Variants in N4BP2L2 observed in about 807,000 individuals in gnomAD.
The protein encoded by N4BP2L2 is NEDD4 binding protein 2 like 2, also known as NEDD4-binding protein 2-like 2.
In N4BP2L2, 50 loss-of-function variants were observed where a neutral mutation model predicts 56.2. The ratio of observed to expected loss-of-function variants is 0.89; its 90% CI spans 0.71 to 1.13. N4BP2L2 has a LOEUF of 1.13. Among genes scored for constraint, N4BP2L2 ranks in the 50% most tolerant of loss-of-function variants. N4BP2L2 has a pLI of 0.00. For missense variants in N4BP2L2, 689 were observed against 693.8 expected (o/e 0.99, Z 0.08); for synonymous variants, 203 against 223.6 (o/e 0.91, Z 0.82).
exon 6 of N4BP2L2, chr13:32,516,920 T>C: frequency 7.1e-6 from 7 of 984,708 alleles, no homozygotes; most frequent in South Asian, 4.7e-5. Context: ...TTTAATTTTA[T>C]ATGAAGAAAC....
intron 6 of N4BP2L2, among the ~76,000 whole-genome samples, chr13:32,500,405 A>T (rs1353701320): frequency 6.6e-6 from 1 of 152,130 alleles, no homozygotes; most frequent in East Asian, 1.9e-4. Context: ...TAGAAAATAA[A>T]AAGTAAGCCA....
intron 6 of N4BP2L2, among the ~76,000 whole-genome samples, chr13:32,454,543 T>G (rs1039689235): frequency 1.3e-5 from 2 of 152,082 alleles, no homozygotes; most frequent in Admixed American, 1.3e-4. Flanking sequence ...AAAAAGAAAT[T>G]AATAGGAACA....
downstream of N4BP2L2, chr13:32,508,067 A>G (rs2091234456): frequency 1.3e-5 from 2 of 152,178 alleles, no homozygotes; most frequent in African/African-American, 4.8e-5. Context: ...CAAGTAAAGT[A>G]TTTTAAGGAA....
chr13:32,474,619 G>T (rs896519959), intron 6 of N4BP2L2, among the ~76,000 whole-genome samples: 1 of 152,060 alleles, frequency 6.6e-6, no homozygotes, highest in Non-Finnish European at 1.5e-5. Context: ...ACTTGAGCCT[G>T]GGGGGACAGA....
chr13:32,450,532 A>G (rs1015138235), intron 6 of N4BP2L2, among the ~76,000 whole-genome samples: 33 of 152,034 alleles, frequency 2.2e-4, no homozygotes, highest in Middle Eastern at 3.4e-3. Flanking sequence ...CACTGTGTTA[A>G]CCAGGACGGT....
intron 2 of N4BP2L2, 95 bp from the exon 3 acceptor site, chr13:32,527,627 C>T: frequency 7.2e-6 from 10 of 1,396,242 alleles, no homozygotes; most frequent in Non-Finnish European, 9.8e-6. Flanking sequence ...TGAAATAAAT[C>T]ACACAGGAAA....
chr13:32,508,638 A>G (rs981712627), downstream of N4BP2L2: 5 of 152,226 alleles, frequency 3.3e-5, no homozygotes, highest in African/African-American at 4.8e-5. Flanking sequence ...GAGGTTGAAA[A>G]GCCAAATAAT....
At position 32,433,826 on chromosome 13, in the gene N4BP2L2, G is replaced by A. The variant is rs536777366; in HGVS notation, c.*22-854C>T. Among the ~76,000 whole-genome samples the A allele has an allele frequency of 1.1e-4, 17 of 149,724 alleles. No individual in the cohort carries two copies. The South Asian group carries it at 3.2e-3, about 28-fold the overall frequency. ...GGCGCCTGTAATTCCAGCTACTTGGGAGGCTGAGGTGGAGAATCGCTTGAA... is the reference window on the plus strand; with the variant it reads ...GGCGCCTGTAATTCCAGCTACTTGGAAGGCTGAGGTGGAGAATCGCTTGAA... On this transcript the variant is annotated intron_variant, in intron 9 of 9. Coordinates refer to the N4BP2L2 transcript ENST00000357505.
intron 6 of N4BP2L2, among the ~76,000 whole-genome samples, chr13:32,456,789 C>G (rs987179413): frequency 2.0e-5 from 3 of 152,166 alleles, no homozygotes; most frequent in African/African-American, 7.2e-5. Context: ...AAGGAAGAAT[C>G]TCAGAACTTA....
chr13:32,477,134 T>A (rs1220205621), intron 6 of N4BP2L2: 4 of 605,880 alleles, frequency 6.6e-6, no homozygotes, highest in Non-Finnish European at 1.3e-5. Context: ...ATAGTACTCT[T>A]GCCACTATCA....
intron 6 of N4BP2L2, among the ~76,000 whole-genome samples, chr13:32,459,251 A>T (rs1026312937): frequency 4.6e-5 from 7 of 152,142 alleles, no homozygotes. Flanking sequence ...AAAACAGCCA[A>T]CCCCAAATTA....
exon 6 of N4BP2L2, chr13:32,517,596 C>G: frequency 7.4e-7 from 1 of 1,348,710 alleles, no homozygotes; most frequent in South Asian, 1.7e-5. Context: ...AGTATTACAA[C>G]AAGAGAATAT....
intron 6 of N4BP2L2, among the ~76,000 whole-genome samples, chr13:32,476,683 T>C (rs564504267): frequency 1.3e-5 from 2 of 152,170 alleles, no homozygotes; most frequent in African/African-American, 2.4e-5. Flanking sequence ...AATAACAGAA[T>C]ACATTGGAAA....
At chr13:32,495,744 C>T (rs543314061) in intron 6 of N4BP2L2, among the ~76,000 whole-genome samples, 95 of 152,088 alleles carry the variant, frequency 6.2e-4, no homozygotes, top group African/African-American at 2.0e-3. Context: ...AGTGCAGTGG[C>T]GTGATCCCAG....
At chr13:32,481,296 C>A (rs1228220167) in intron 6 of N4BP2L2, among the ~76,000 whole-genome samples, 1 of 151,790 alleles carries the variant, frequency 6.6e-6, no homozygotes, top group African/African-American at 2.4e-5. Context: ...GAAGAGAGTG[C>A]ATAGTCAAAG....
intron 2 of N4BP2L2, among the ~76,000 whole-genome samples, chr13:32,535,145 AAAGT>A (rs1351567230): frequency 2.6e-5 from 4 of 152,218 alleles, no homozygotes; most frequent in African/African-American, 7.2e-5. Flanking sequence ...AATTCCAGAA[AAAGT>A]AAGTATCATT....
chr13:32,517,173 T>C, exon 6 of N4BP2L2: 1 of 985,376 alleles, frequency 1.0e-6, no homozygotes, highest in Non-Finnish European at 1.2e-6. Flanking sequence ...AGGAGGATGA[T>C]AACTATGTAT....
intron 6 of N4BP2L2, chr13:32,505,065 A>G (rs1357590514): frequency 6.6e-6 from 1 of 152,166 alleles, no homozygotes; most frequent in Non-Finnish European, 1.5e-5. Flanking sequence ...CCTCAGCCCT[A>G]AGAAGTAGCC....
intron 6 of N4BP2L2, among the ~76,000 whole-genome samples, chr13:32,484,726 C>A (rs2085500554): frequency 2.0e-5 from 3 of 152,306 alleles, no homozygotes; most frequent in Admixed American, 1.3e-4. Flanking sequence ...CTCAAGTGAT[C>A]CGCAAGCCTC....
Sources: gnomAD v4.1 joint callset for allele counts (sites outside exome capture counted in the v4.1 genomes callset) on GRCh38, gnomAD v4.1.1 for gene constraint, MANE v1.5 for transcripts, NCBI Gene and HGNC (gene_info 2026-07-23, HGNC 2026-07-21) for gene names.